DLC1: variants seen among roughly 807,000 people sequenced by gnomAD.
The protein encoded by DLC1 is DLC1 Rho GTPase activating protein.
DLC1 carries 54 observed loss-of-function variants against 140.3 expected under a neutral mutation model. That is an observed-to-expected ratio of 0.38 (90% CI 0.31 to 0.48). The LOEUF (loss-of-function observed/expected upper bound fraction) is 0.48, where lower values mean the gene tolerates loss of function less well. DLC1 is among the 20% of genes least tolerant of loss of function. The pLI, the probability that DLC1 is intolerant of heterozygous loss-of-function variation, is 0.96. For synonymous variants in DLC1, 986 were observed against 728.1 expected, an observed-to-expected ratio of 1.35 and a Z score of -5.70; for missense variants, 2,536 against 1,907.0, an observed-to-expected ratio of 1.33 and a Z score of -6.14.
intron 5 of DLC1, among the ~76,000 whole-genome samples, chr8:13,185,666 T>G (rs2116998498): frequency 6.6e-6 from 1 of 152,296 alleles, no homozygotes; most frequent in South Asian, 2.1e-4. Flanking sequence ...AATATTGTTA[T>G]GTGTGAACTT....
chr8:13,418,211 T>G (rs918737673), intron 2 of DLC1, among the ~76,000 whole-genome samples: 5 of 152,158 alleles, frequency 3.3e-5, no homozygotes, highest in Admixed American at 6.5e-5. Context: ...AGAAGCTCTT[T>G]AGTTTAATTA....
intron 5 of DLC1, among the ~76,000 whole-genome samples, chr8:13,223,336 G>T (rs912899524): frequency 6.6e-6 from 1 of 152,056 alleles, no homozygotes; most frequent in Non-Finnish European, 1.5e-5. Context: ...CAGCCTCTTC[G>T]CACGTAATCT....
intron 7 of DLC1, among the ~76,000 whole-genome samples, chr8:13,104,271 C>T (rs1406782818): frequency 6.6e-6 from 1 of 150,896 alleles, no homozygotes; most frequent in Non-Finnish European, 1.5e-5. Flanking sequence ...CATTTTGATA[C>T]CAATACTTTC....
chr8:13,417,672 C>A (rs992900953), intron 2 of DLC1, among the ~76,000 whole-genome samples: 1 of 152,114 alleles, frequency 6.6e-6, no homozygotes, highest in Non-Finnish European at 1.5e-5. Flanking sequence ...AATAAACATA[C>A]GTCTGCATGT....
At chr8:13,124,983 CTT>C (rs551992122) in intron 5 of DLC1, among the ~76,000 whole-genome samples, 2 of 146,350 alleles carry the variant, frequency 1.4e-5, no homozygotes, top group Non-Finnish European at 1.5e-5. Context: ...TTCTTTTTTC[CTT>C]TTTTTTTTTG....
chr8:13,254,108 G>A (rs965914080), intron 5 of DLC1, among the ~76,000 whole-genome samples: 4 of 151,586 alleles, frequency 2.6e-5, no homozygotes, highest in Admixed American at 1.3e-4. Context: ...TCATCTTCTC[G>A]GAATGTTGTG....
chr8:13,481,048 G>A (rs923639659), intron 2 of DLC1, among the ~76,000 whole-genome samples: 3 of 152,192 alleles, frequency 2.0e-5, no homozygotes, highest in Non-Finnish European at 2.9e-5. Flanking sequence ...AGAGAATAAA[G>A]GAAATGAGTA....
rs1035606208 is a variant in DLC1, at chr8:13,102,698, G to T, written c.1566+92C>A. 5 of 1,136,350 alleles carry T rather than the reference G, an allele frequency of 4.4e-6. No individual in the cohort carries two copies. In the African/African-American group the frequency reaches 6.1e-5, roughly 14 times the overall value. 70.4% of individuals were successfully genotyped at this position (1,136,350 alleles called of 1,614,324 possible). A position where few individuals can be genotyped will look rare whatever the true frequency, so the allele number is the denominator to read the frequency against. ...ATGCTTACGGAACAACAAACTAAGA[G>T]TTGGAGAAACAAAACCTATTACAAA... is the stretch of plus-strand genomic sequence containing the variant. On this transcript the variant is annotated intron_variant, in intron 8 of 17. Coordinates refer to ENST00000276297, the MANE Select transcript of DLC1 (RefSeq NM_182643.3).
intron 2 of DLC1, among the ~76,000 whole-genome samples, chr8:13,478,607 G>A (rs1422369212): frequency 2.0e-5 from 3 of 152,018 alleles, no homozygotes; most frequent in Admixed American, 1.3e-4. Context: ...TCTTTCCTCC[G>A]AGCCCTGGAT....
chr8:13,446,750 G>A lies in DLC1; in HGVS notation c.1024-45131C>T, dbSNP rs370942999. On this transcript the variant is annotated intron_variant, in intron 2 of 17. Transcript: ENST00000276297. ...GAGGTCAGGAGTTCGAGACCAGCCT[G>A]GCCAACATGGTGAAACCCTGTCTCT... is the stretch of plus-strand genomic sequence containing the variant. 3.3e-5 allele frequency among the ~76,000 whole-genome samples: 5 copies of A among 152,226 alleles called. No homozygotes were observed. In the East Asian group the frequency reaches 5.8e-4, roughly 18 times the overall value.
chr8:13,274,705 A>T (rs540685452), intron 5 of DLC1, among the ~76,000 whole-genome samples: 1 of 152,328 alleles, frequency 6.6e-6, no homozygotes, highest in African/African-American at 2.4e-5. Context: ...ATGTATGAAA[A>T]TGTAAGAGGA....
intron 1 of DLC1, chr8:13,559,157 C>A (rs6981209): frequency 6.6e-6 from 1 of 151,960 alleles, no homozygotes; most frequent in Non-Finnish European, 1.5e-5. Flanking sequence ...CTGGTCAGTG[C>A]GATATAAAGG....
chr8:13,492,834 C>T (rs1021320289), intron 2 of DLC1, among the ~76,000 whole-genome samples: 28 of 152,244 alleles, frequency 1.8e-4, no homozygotes, highest in Admixed American at 5.2e-4. Context: ...TGTCATGAGA[C>T]GATATATTTG....
At chr8:13,288,206 G>C (rs1831607671) in intron 5 of DLC1, among the ~76,000 whole-genome samples, 1 of 152,158 alleles carries the variant, frequency 6.6e-6, no homozygotes, top group Non-Finnish European at 1.5e-5. Flanking sequence ...GTTATCTAAA[G>C]AGTTTCTGGT....
intron 4 of DLC1, among the ~76,000 whole-genome samples, chr8:13,367,577 G>C (rs76934274): frequency 0.026 from 3,965 of 152,206 alleles, 79 homozygotes; most frequent in South Asian, 0.086. Flanking sequence ...GTGCTTATTT[G>C]TTTTTGTGAA....
At chr8:13,595,618 G>C (rs564416293) in intron 1 of DLC1, among the ~76,000 whole-genome samples, 3 of 151,872 alleles carry the variant, frequency 2.0e-5, no homozygotes, top group African/African-American at 7.3e-5. Flanking sequence ...GAACAGTTTC[G>C]ACTCTTATTG....
intron 4 of DLC1, among the ~76,000 whole-genome samples, chr8:13,335,390 A>G (rs955698896): frequency 2.0e-5 from 3 of 152,336 alleles, no homozygotes; most frequent in Non-Finnish European, 2.9e-5. Flanking sequence ...AACCAAGGAC[A>G]TGCTGATCAA....
chr8:13,249,190 C>T (rs1346295016), intron 5 of DLC1, among the ~76,000 whole-genome samples: 1 of 152,196 alleles, frequency 6.6e-6, no homozygotes, highest in Non-Finnish European at 1.5e-5. Flanking sequence ...GGTTCTCCTG[C>T]CTCAGCCTCC....
intron 5 of DLC1, among the ~76,000 whole-genome samples, chr8:13,261,273 T>C (rs555783394): frequency 2.0e-5 from 3 of 152,046 alleles, no homozygotes. Flanking sequence ...GAGAGAGCCA[T>C]GTGACTGTCT....
Sources: gnomAD v4.1 joint callset for allele counts (sites outside exome capture counted in the v4.1 genomes callset) on GRCh38, gnomAD v4.1.1 for gene constraint, MANE v1.5 for transcripts, NCBI Gene and HGNC (gene_info 2026-07-23, HGNC 2026-07-21) for gene names.